Variants in ARHGEF7 observed in about 807,000 individuals in gnomAD.
ARHGEF7 encodes Rho guanine nucleotide exchange factor 7, also known as PAK-interacting exchange factor beta.
In ARHGEF7, 33 loss-of-function variants were observed where a neutral mutation model predicts 109.8. That is an observed-to-expected ratio of 0.30 (90% CI 0.23 to 0.40). The LOEUF is 0.40. Ranked by LOEUF, ARHGEF7 falls within the 10% of genes least tolerant of loss-of-function variation. The probability of loss-of-function intolerance (pLI) is 1.00; values close to 1 mark genes in which losing one functional copy is unlikely to be tolerated. For synonymous variants in ARHGEF7, 458 were observed against 424.6 expected (o/e 1.08, Z -0.97); for missense variants, 938 against 1,098.5 (o/e 0.85, Z 2.07).
chr13:111,279,153 T>C (rs148301468), intron 13 of ARHGEF7, among the ~76,000 whole-genome samples: 1 of 152,344 alleles, frequency 6.6e-6, no homozygotes, highest in Non-Finnish European at 1.5e-5. Flanking sequence ...GCTGTTAAAG[T>C]ACTTATATGC....
intron 6 of ARHGEF7, among the ~76,000 whole-genome samples, chr13:111,234,722 C>T (rs1047461842): frequency 1.3e-5 from 2 of 152,160 alleles, no homozygotes; most frequent in African/African-American, 4.8e-5. Context: ...TTTGCTTCCC[C>T]TCTTTCTTCC....
intron 2 of ARHGEF7, among the ~76,000 whole-genome samples, chr13:111,185,592 T>C (rs2079164326): frequency 6.6e-6 from 1 of 152,262 alleles, no homozygotes; most frequent in African/African-American, 2.4e-5. Flanking sequence ...TAAATGTTAC[T>C]GCTTCACTTA....
intron 1 of ARHGEF7, among the ~76,000 whole-genome samples, chr13:111,129,769 G>A (rs1341503130): frequency 6.6e-6 from 1 of 152,248 alleles, no homozygotes; most frequent in African/African-American, 2.4e-5. Context: ...CTCATGCACT[G>A]ACAGTGGGAA....
Position 111,272,148 on chromosome 13 carries a change from G to A in ARHGEF7, c.1074-1666G>A, listed in dbSNP as rs1037292996. 6.6e-6 allele frequency among the ~76,000 whole-genome samples: 1 copy of A among 152,244 alleles called. No homozygotes were observed. The highest frequency in any genetic ancestry group is 2.4e-5 in the African/African-American group (1 of 41,468). On this transcript the variant is annotated intron_variant, in intron 9 of 21. Coordinates refer to ENST00000646102, the MANE Select transcript of ARHGEF7 (RefSeq NM_001354046.2). The surrounding 1 kb of genome is among the most constrained non-coding windows in gnomAD (Gnocchi z 5.2). ...TCATTGGAGGACATTCTCCCTGGCT[G>A]CCCTGGCAGGGGATCCACATGGAAT... is the stretch of plus-strand genomic sequence containing the variant.
chr13:111,179,078 G>C (rs1594351029), intron 2 of ARHGEF7, among the ~76,000 whole-genome samples: 1 of 147,746 alleles, frequency 6.8e-6, no homozygotes, highest in African/African-American at 2.5e-5. Context: ...TCAAATGCCT[G>C]TTCTTTTTTT....
chr13:111,240,560 G>A (rs138458761), intron 6 of ARHGEF7, among the ~76,000 whole-genome samples: 18 of 152,148 alleles, frequency 1.2e-4, no homozygotes, highest in Admixed American at 4.6e-4. Flanking sequence ...CCTCCTTTCC[G>A]TGGAGTCAGA....
intron 5 of ARHGEF7, among the ~76,000 whole-genome samples, chr13:111,223,186 G>A (rs568720058): frequency 3.9e-5 from 6 of 152,210 alleles, no homozygotes; most frequent in Non-Finnish European, 7.4e-5. Context: ...CGGCTATATT[G>A]CATTTTTTCC....
chr13:111,221,579 C>A (rs1434480736), intron 5 of ARHGEF7, among the ~76,000 whole-genome samples: 2 of 61,960 alleles, frequency 3.2e-5, no homozygotes, highest in South Asian at 5.8e-4. Context: ...AGATACATAT[C>A]TATATATATC....
intron 4 of ARHGEF7, among the ~76,000 whole-genome samples, chr13:111,213,457 C>A (rs2082740958): frequency 6.6e-6 from 1 of 152,124 alleles, no homozygotes; most frequent in South Asian, 2.1e-4. Flanking sequence ...GTGTAAGCAC[C>A]CAGATGAGGA....
chr13:111,257,477 T>G (rs1184660964), intron 8 of ARHGEF7, among the ~76,000 whole-genome samples: 1 of 152,238 alleles, frequency 6.6e-6, no homozygotes, highest in Non-Finnish European at 1.5e-5. Context: ...AATGATTTTG[T>G]TCAAAAGTTA....
chr13:111,275,614 A>G lies in ARHGEF7; in HGVS notation c.1355A>G (p.Asp452Gly). The G allele has an allele frequency of 1.2e-6, 2 of 1,614,180 alleles. No homozygotes were observed. Among genetic ancestry groups the G allele is most frequent in the African/African-American group, 1.3e-5 (1 of 75,038 alleles). The change falls in exon 12 of 22, where the codon GAC (aspartate) becomes GGC (glycine). Residue 452 changes from aspartate (D) to glycine (G), a missense_variant. By Grantham distance (94) the Asp-to-Gly change is moderately conservative. Transcript: ENST00000646102. Reference protein sequence around the residue: ...TEAIRNWEGDDIKTLGNVTYM... With the variant: ...TEAIRNWEGDGIKTLGNVTYM... ...GCCATCCGGAACTGGGAGGGCGATG[A>G]CATTAAAACTCTGGGCAACGTCACT...
intron 11 of ARHGEF7, 87 bp from the exon 12 acceptor site, chr13:111,275,445 G>A (rs2092421439): frequency 7.1e-7 from 1 of 1,414,038 alleles, no homozygotes; most frequent in East Asian, 2.3e-5. Flanking sequence ...AGCAATAATT[G>A]TCTTAAGGAT....
chr13:111,153,582 GCGAACA>G (rs2076028476), intron 1 of ARHGEF7: 1 of 1,087,964 alleles, frequency 9.2e-7, no homozygotes, highest in African/African-American at 1.7e-5. Context: ...GTCCGCGGGG[GCGAACA>G]CCCGACGCTA....
At chr13:111,269,726 A>G (rs889282547) in intron 9 of ARHGEF7, among the ~76,000 whole-genome samples, 22 of 152,066 alleles carry the variant, frequency 1.4e-4, no homozygotes, top group Non-Finnish European at 2.8e-4. Context: ...GCCACTGTGG[A>G]ACATGAAGCT....
Position 111,153,891 on chromosome 13 carries a change from GCT to G in ARHGEF7, c.166-11_166-10del. 6.3e-7 allele frequency: 1 copy of G among 1,595,738 alleles called. No individual in the cohort carries two copies. Among genetic ancestry groups the G allele is most frequent in the Non-Finnish European group, 8.5e-7 (1 of 1,173,420 alleles). The stretch of plus-strand genomic sequence containing the variant: ...GCCGGCCACGGCGCTCAGCGCTTGT[GCT>G]CTGTATTGCAGGTCTACCCCGAGCC... On this transcript the variant is annotated splice_polypyrimidine_tract_variant and intron_variant, in intron 1 of 21. Transcript: ENST00000646102.
chr13:111,198,574 T>C (rs1203708065), intron 2 of ARHGEF7, among the ~76,000 whole-genome samples: 2 of 152,086 alleles, frequency 1.3e-5, no homozygotes, highest in African/African-American at 4.8e-5. Flanking sequence ...TTAAAGGTGG[T>C]GTGTCCGGAG....
chr13:111,296,576 A>C (rs2093433158), intron 19 of ARHGEF7, among the ~76,000 whole-genome samples: 1 of 152,216 alleles, frequency 6.6e-6, no homozygotes, highest in African/African-American at 2.4e-5. Context: ...TCCATACGGA[A>C]ATAAGAACCA....
intron 1 of ARHGEF7, among the ~76,000 whole-genome samples, chr13:111,146,306 T>C (rs1350714386): frequency 6.6e-6 from 1 of 152,256 alleles, no homozygotes; most frequent in African/African-American, 2.4e-5. Flanking sequence ...ACAGGGAACT[T>C]GTTGGAAATC....
At chr13:111,275,717 C>T (rs1294722066) in intron 12 of ARHGEF7, 39 bp downstream of exon 12, 8 of 1,613,104 alleles carry the variant, frequency 5.0e-6, no homozygotes, top group South Asian at 1.1e-5. Flanking sequence ...GTTTCTGTCC[C>T]ACTCTTAGGA....
Sources: gnomAD v4.1 joint callset for allele counts (sites outside exome capture counted in the v4.1 genomes callset) on GRCh38, gnomAD v4.1.1 for gene constraint, Gnocchi (gnomAD v3.1) non-coding constraint, MANE v1.5 for transcripts, NCBI Gene and HGNC (gene_info 2026-07-23, HGNC 2026-07-21) for gene names.